Variants in HOXD3 observed in about 807,000 individuals in gnomAD.
HOXD3 encodes homeobox D3, also known as homeobox protein Hox-D3.
HOXD3 carries 13 observed loss-of-function variants against 32.8 expected under a neutral mutation model. The ratio of observed to expected loss-of-function variants is 0.40; its 90% CI spans 0.26 to 0.63. The LOEUF is 0.63. Among genes scored for constraint, HOXD3 ranks in the 20% least tolerant of loss-of-function variants. The pLI is 0.44. For synonymous variants in HOXD3, 241 were observed against 246.8 expected (o/e 0.98, Z 0.22); for missense variants, 504 against 577.1 (o/e 0.87, Z 1.30).
chr2:176,164,927 C>T (rs550616457), intron 2 of HOXD3: 1 of 152,360 alleles, frequency 6.6e-6, no homozygotes, highest in African/African-American at 2.4e-5. Context: ...ACTAGCCTCC[C>T]GGCGTCCGAG....
Position 176,172,387 on chromosome 2 carries a change from C to T in HOXD3, c.*113C>T. 9.3e-7 allele frequency: 1 copy of T among 1,076,362 alleles called. No individual in the cohort carries two copies. Among genetic ancestry groups the T allele is most frequent in the South Asian group, 1.7e-5 (1 of 59,300 alleles). The allele number at this position is 1,076,362 out of a possible 1,614,324, so 66.7% of individuals were successfully genotyped here. ...AACCCCCTTCCCCGCTCTTGCCCTG[C>T]CGCCGCCTCCCGGGTCTCAGGCCTC... On this transcript the variant is annotated 3_prime_UTR_variant, in exon 4 of 4. Transcript: ENST00000683222.
intron 1 of HOXD3, among the ~76,000 whole-genome samples, chr2:176,160,383 C>T (rs1026825604): frequency 2.0e-5 from 3 of 152,198 alleles, no homozygotes; most frequent in African/African-American, 7.2e-5. Context: ...TCTCAACGCC[C>T]CCAACCCACT....
chr2:176,156,751 C>A (rs1200939124), upstream of HOXD3, among the ~76,000 whole-genome samples: 2 of 151,972 alleles, frequency 1.3e-5, no homozygotes, highest in Non-Finnish European at 2.9e-5. Flanking sequence ...CTTGGCCTCG[C>A]CTTGAAGAAG....
chr2:176,165,819 G>A (rs777660412), intron 2 of HOXD3: 5 of 152,052 alleles, frequency 3.3e-5, no homozygotes, highest in Non-Finnish European at 7.4e-5. Flanking sequence ...AGAAAAGAAA[G>A]GCTTTAAAAA....
chr2:176,153,086 A>G, upstream of HOXD3: 2 of 492,912 alleles, frequency 4.1e-6, no homozygotes, highest in Non-Finnish European at 7.2e-6. Context: ...GGACTAGGTT[A>G]GCATCCTGCC....
At chr2:176,156,973 C>T (rs1184172394), upstream of HOXD3, among the ~76,000 whole-genome samples, 1 of 152,162 alleles carries the variant, frequency 6.6e-6, no homozygotes, top group Non-Finnish European at 1.5e-5. Context: ...ATGGCTCCTC[C>T]CGTGCCCACC....
intron 1 of HOXD3, among the ~76,000 whole-genome samples, chr2:176,158,284 G>C (rs1437113306): frequency 1.3e-5 from 2 of 152,234 alleles, no homozygotes; most frequent in South Asian, 4.1e-4. Flanking sequence ...GGCCAGTGCG[G>C]GCTGCAGAAG....
intron 2 of HOXD3, among the ~76,000 whole-genome samples, chr2:176,166,914 C>T (rs1375038992): frequency 6.6e-6 from 1 of 152,146 alleles, no homozygotes; most frequent in Non-Finnish European, 1.5e-5. Flanking sequence ...GTGGTCAAAT[C>T]CATTAGGCCA....
chr2:176,154,480 GAGA>G (rs1228922958), upstream of HOXD3, among the ~76,000 whole-genome samples: 7 of 152,224 alleles, frequency 4.6e-5, no homozygotes, highest in Admixed American at 2.6e-4. Context: ...GTGGGAAAGG[GAGA>G]AAGGATAAGC....
chr2:176,171,653 G>A lies in HOXD3; in HGVS notation c.678G>A (p.Glu226=). The A allele has an allele frequency of 1.9e-6, 3 of 1,614,226 alleles. No homozygotes were observed. The highest frequency in any genetic ancestry group is 2.5e-6 in the Non-Finnish European group (3 of 1,180,052). The change falls in exon 4 of 4, where the codon GAG becomes GAA. Residue 226 remains glutamate (E), a synonymous_variant. Transcript: ENST00000683222. ...NRYLCRPRRV[E]MANLLNLTER... ...ACTTGTGCCGGCCGCGCCGCGTGGA[G>A]ATGGCCAACCTGCTGAATCTCACGG...
upstream of HOXD3, among the ~76,000 whole-genome samples, chr2:176,154,173 T>C (rs1351280246): frequency 6.6e-6 from 1 of 152,190 alleles, no homozygotes; most frequent in Non-Finnish European, 1.5e-5. Flanking sequence ...GAAGTTTTCC[T>C]CAGCTCATTA....
upstream of HOXD3, chr2:176,153,000 G>T: frequency 6.5e-7 from 1 of 1,547,846 alleles, no homozygotes; most frequent in Non-Finnish European, 8.9e-7. The surrounding 1 kb of genome is among the most constrained non-coding windows in gnomAD (Gnocchi z 5.2). Context: ...AAGCTGCGGG[G>T]GCAGGCCGGG....
chr2:176,152,693 T>A (rs1559134110), upstream of HOXD3: 2 of 1,614,142 alleles, frequency 1.2e-6, no homozygotes, highest in Non-Finnish European at 1.7e-6. The surrounding 1 kb of genome is among the most constrained non-coding windows in gnomAD (Gnocchi z 5.2). Context: ...AAAAAGAATT[T>A]CATTTTAACA....
intron 1 of HOXD3, among the ~76,000 whole-genome samples, chr2:176,161,389 G>A (rs759480212): frequency 1.3e-5 from 2 of 152,198 alleles, no homozygotes; most frequent in Non-Finnish European, 2.9e-5. Context: ...GATCTGGTGA[G>A]GGGATTGAGT....
upstream of HOXD3, among the ~76,000 whole-genome samples, chr2:176,154,376 A>G (rs937850892): frequency 1.3e-5 from 2 of 152,158 alleles, no homozygotes; most frequent in Non-Finnish European, 2.9e-5. Context: ...GAAGAAGTCA[A>G]AGTTAATGGC....
Position 176,172,521 on chromosome 2 carries a change from T to C in HOXD3, c.*247T>C. On this transcript the variant is annotated 3_prime_UTR_variant, in exon 4 of 4. Transcript: ENST00000683222. ...TCCCTGTAAATTTGACAGTGCCACATACTGCGGACCAAGGGACTCCAATCT... is the reference window on the plus strand; with the variant it reads ...TCCCTGTAAATTTGACAGTGCCACACACTGCGGACCAAGGGACTCCAATCT... 1 of 537,306 alleles carries C rather than the reference T, an allele frequency of 1.9e-6. No individual in the cohort carries two copies. The highest frequency in any genetic ancestry group is 3.3e-6 in the Non-Finnish European group (1 of 304,810). 33.3% of individuals were successfully genotyped at this position (537,306 alleles called of 1,614,324 possible). A position where few individuals can be genotyped will look rare whatever the true frequency, so the allele number is the denominator to read the frequency against.
At chr2:176,165,884 A>T (rs1214859435) in intron 2 of HOXD3, among the ~76,000 whole-genome samples, 2 of 152,160 alleles carry the variant, frequency 1.3e-5, no homozygotes, top group African/African-American at 4.8e-5. Flanking sequence ...CCATTGTCCA[A>T]GTGATTTATG....
upstream of HOXD3, among the ~76,000 whole-genome samples, chr2:176,157,182 G>A (rs1018714794): frequency 1.3e-5 from 2 of 152,156 alleles, no homozygotes; most frequent in African/African-American, 4.8e-5. Context: ...GCTGGCAGCC[G>A]GGGGAGGGCC....
At chr2:176,158,487 C>G (rs1319709728) in intron 1 of HOXD3, among the ~76,000 whole-genome samples, 1 of 152,164 alleles carries the variant, frequency 6.6e-6, no homozygotes, top group African/African-American at 2.4e-5. Context: ...GCCTCCTTCC[C>G]TCTTGTTGCT....
Sources: allele counts gnomAD v4.1 joint callset (sites outside exome capture counted in the v4.1 genomes callset), GRCh38; gene constraint gnomAD v4.1.1; non-coding constraint Gnocchi (gnomAD v3.1); transcripts MANE v1.5; gene names NCBI Gene and HGNC (gene_info 2026-07-23, HGNC 2026-07-21).